The following BUB1 variants were observed in gnomAD, a reference collection of about 807,000 sequenced individuals.
The protein encoded by BUB1 is BUB1 mitotic checkpoint serine/threonine kinase.
In BUB1, 84 loss-of-function variants were observed where a neutral mutation model predicts 135.2. The observed-to-expected ratio is 0.62, with a 90% CI of 0.52 to 0.74. The LOEUF is 0.74. Ranked by LOEUF, BUB1 falls within the 30% of genes least tolerant of loss-of-function variation. The pLI, the probability that BUB1 is intolerant of heterozygous loss-of-function variation, is 0.00. For missense variants in BUB1, 1,162 were observed against 1,288.3 expected (o/e 0.90, Z 1.50); for synonymous variants, 403 against 434.4 (o/e 0.93, Z 0.90).
intron 1 of BUB1, 79 bp from the exon 2 acceptor site, chr2:110,674,444 C>G: frequency 7.5e-7 from 1 of 1,331,570 alleles, no homozygotes; most frequent in Non-Finnish European, 1.1e-6. Flanking sequence ...TTTATATATA[C>G]CATTTATGTG....
chr2:110,640,628 A>G (rs1333870855), intron 23 of BUB1, among the ~76,000 whole-genome samples: 2 of 152,126 alleles, frequency 1.3e-5, no homozygotes, highest in East Asian at 3.9e-4. Context: ...GGTATATCCA[A>G]CATGTGCTCA....
intron 23 of BUB1, among the ~76,000 whole-genome samples, chr2:110,640,758 G>A (rs1177315126): frequency 6.6e-6 from 1 of 152,066 alleles, no homozygotes; most frequent in Non-Finnish European, 1.5e-5. Context: ...CTTTCTGAAG[G>A]GTTCACTAAT....
Position 110,657,654 on chromosome 2 carries a change from G to C in BUB1, c.1517-9C>G, listed in dbSNP as rs138668634. On this transcript the variant is annotated splice_polypyrimidine_tract_variant and intron_variant, in intron 13 of 24. Transcript: ENST00000302759. ...AGATGACCTTACATTTTCTGCAACAGAATAAAAAATAGCATCTAATTATTG... is the reference window on the plus strand; with the variant it reads ...AGATGACCTTACATTTTCTGCAACACAATAAAAAATAGCATCTAATTATTG... The C allele has an allele frequency of 5.1e-5, 78 of 1,537,784 alleles. No individual in the cohort carries two copies. The East Asian group carries it at 1.8e-3, about 35-fold the overall frequency.
chr2:110,671,949 G>A (rs1299418504), intron 4 of BUB1, among the ~76,000 whole-genome samples: 1 of 152,198 alleles, frequency 6.6e-6, no homozygotes, highest in Admixed American at 6.5e-5. Flanking sequence ...CAGGCCAGGC[G>A]CAGTGGCTCA....
intron 14 of BUB1, 27 bp downstream of exon 14, chr2:110,657,518 TC>T (rs1172411921): frequency 1.3e-6 from 2 of 1,537,814 alleles, no homozygotes; most frequent in Non-Finnish European, 1.8e-6. Context: ...CTCGGCAGCA[TC>T]CCATTAACTA....
chr2:110,641,219 A>C lies in BUB1; in HGVS notation c.2784-14T>G. On this transcript the variant is annotated splice_polypyrimidine_tract_variant and intron_variant, in intron 22 of 24. Transcript: ENST00000302759. ...TGTTCCAAAAATCTATATTAAACAC[A>C]AACAAAGCCAGGCTGCATGAGCACA... The C allele has an allele frequency of 6.3e-7, 1 of 1,590,078 alleles. No homozygotes were observed. Among genetic ancestry groups the C allele is most frequent in the Non-Finnish European group, 8.6e-7 (1 of 1,168,490 alleles).
intron 24 of BUB1, 65 bp downstream of exon 24, chr2:110,639,677 A>G (rs1689450035): frequency 4.0e-6 from 5 of 1,260,228 alleles, no homozygotes; most frequent in East Asian, 4.7e-5. Context: ...TTTTTTTGCC[A>G]GATGGAACCC....
At chr2:110,671,096 C>A (rs1278123674) in intron 4 of BUB1, among the ~76,000 whole-genome samples, 1 of 152,214 alleles carries the variant, frequency 6.6e-6, no homozygotes, top group Non-Finnish European at 1.5e-5. Flanking sequence ...CCTGACATTT[C>A]TGAGCGATGC....
chr2:110,651,803 C>T (rs1689794540), intron 17 of BUB1, among the ~76,000 whole-genome samples: 1 of 152,152 alleles, frequency 6.6e-6, no homozygotes, highest in Non-Finnish European at 1.5e-5. Context: ...TACACAAATT[C>T]TTACACCACT....
At chr2:110,640,705 C>T (rs1053418055) in intron 23 of BUB1, among the ~76,000 whole-genome samples, 3 of 152,178 alleles carry the variant, frequency 2.0e-5, no homozygotes, top group Non-Finnish European at 2.9e-5. Context: ...GCTGGCCTAC[C>T]TTGATCTCAA....
chr2:110,668,023 T>C (rs1340274728), intron 6 of BUB1, among the ~76,000 whole-genome samples, 174 bp from the exon 7 acceptor site: 1 of 152,214 alleles, frequency 6.6e-6, no homozygotes, highest in Non-Finnish European at 1.5e-5. Flanking sequence ...ATCAACAACC[T>C]TACAATAACT....
chr2:110,645,560 C>G (rs1454629005), intron 19 of BUB1, among the ~76,000 whole-genome samples: 1 of 151,488 alleles, frequency 6.6e-6, no homozygotes, highest in East Asian at 1.9e-4. Flanking sequence ...AAACAATTAT[C>G]AGCATAGAAA....
At position 110,638,061 on chromosome 2, in the gene BUB1, A is replaced by T; in HGVS notation, c.3161T>A (p.Leu1054Gln). 1 of 1,612,820 alleles carries T rather than the reference A, an allele frequency of 6.2e-7. No homozygotes were observed. The change falls in exon 25 of 25, where the codon CTG becomes CAG. Residue 1054 changes from leucine to glutamine, a missense_variant. Physicochemically the swap from Leu to Gln is moderately radical, Grantham distance 113. Coordinates refer to ENST00000302759, the MANE Select transcript of BUB1 (RefSeq NM_004336.5). ...LPSLDLLRQK[L>Q]KKVFQQHYTN... ...ATAGTGTTGTTGAAATACTTTCTTC[A>T]GCTTTTGCCTTAACAAATCCAAAGA...
At chr2:110,641,559 G>A in intron 21 of BUB1, 83 bp downstream of exon 21, 4 of 1,554,912 alleles carry the variant, frequency 2.6e-6, no homozygotes, top group Non-Finnish European at 2.6e-6. Context: ...CTCCACAAAA[G>A]CCCCAACCAC....
chr2:110,661,746 C>T lies in BUB1; in HGVS notation c.1053G>A (p.Met351Ile). 6.2e-7 allele frequency: 1 copy of T among 1,614,198 alleles called. No individual in the cohort carries two copies. The highest frequency in any genetic ancestry group is 8.5e-7 in the Non-Finnish European group (1 of 1,180,040). ...PVTYQQTPVN[M>I]EKNPREAPPV... ...GAGGTGCCTCTCTTGGGTTCTTTTC[C>T]ATGTTCACTGGTGTCTGCTGATAGG... The change falls in exon 10 of 25, where the codon ATG (methionine) becomes ATA (isoleucine). Residue 351 changes from methionine (M) to isoleucine (I), a missense_variant. Physicochemically the swap from Met to Ile is conservative, Grantham distance 10. Coordinates refer to ENST00000302759, the MANE Select transcript of BUB1 (RefSeq NM_004336.5).
intron 19 of BUB1, among the ~76,000 whole-genome samples, chr2:110,645,480 C>T (rs1429798902): frequency 6.6e-6 from 1 of 151,492 alleles, no homozygotes; most frequent in Admixed American, 6.6e-5. Flanking sequence ...AAAGACATAC[C>T]ATGCTAACAC....
At chr2:110,665,171 G>A (rs966180404) in intron 9 of BUB1, among the ~76,000 whole-genome samples, 24 of 152,160 alleles carry the variant, frequency 1.6e-4, no homozygotes, top group Admixed American at 3.9e-4. Flanking sequence ...GTGTTAGGTA[G>A]AAAAAGCAGA....
intron 1 of BUB1, chr2:110,676,655 T>C (rs1481929092): frequency 1.3e-5 from 2 of 152,184 alleles, no homozygotes; most frequent in Non-Finnish European, 2.9e-5. Context: ...GAACTTTATG[T>C]ATTGGTAGAG....
chr2:110,650,697 A>G lies in BUB1; in HGVS notation c.2052T>C (p.Gly684=), dbSNP rs1689761943. ...ACTCTGCCTCACAGGTAAGTACCCC[A>G]CCTGCAGCAGGCTGGCTCAGACGAA... ...SLLRLSQPAA[G]GVLTCEAELG... is the part of the protein sequence containing the mutation. Residue 684 remains glycine, a synonymous_variant, in exon 18 of 25, where the codon GGT becomes GGC. Transcript: ENST00000302759. 1 of 1,613,902 alleles carries G rather than the reference A, an allele frequency of 6.2e-7. No homozygotes were observed. Among genetic ancestry groups the G allele is most frequent in the African/African-American group, 1.3e-5 (1 of 74,900 alleles).
Sources: gnomAD v4.1 joint callset for allele counts (sites outside exome capture counted in the v4.1 genomes callset) on GRCh38, gnomAD v4.1.1 for gene constraint, MANE v1.5 for transcripts, NCBI Gene and HGNC (gene_info 2026-07-23, HGNC 2026-07-21) for gene names.